Variants in PLCG2 observed in about 807,000 individuals in gnomAD.
PLCG2 encodes 1-phosphatidylinositol 4,5-bisphosphate phosphodiesterase gamma-2.
Under a neutral mutation model 175.6 loss-of-function variants are expected in PLCG2, and 69 were observed. The observed-to-expected ratio is 0.39, with a 90% CI of 0.32 to 0.48. The LOEUF is 0.48. Ranked by LOEUF, PLCG2 falls within the 20% of genes least tolerant of loss-of-function variation. The pLI, the probability that PLCG2 is intolerant of heterozygous loss-of-function variation, is 0.91. For missense variants in PLCG2, 1,798 were observed against 1,650.9 expected (o/e 1.09, Z -1.54); for synonymous variants, 827 against 624.0 (o/e 1.33, Z -4.85).
rs1280902585 is a variant in PLCG2, at chr16:81,924,355, G to T, written c.2417+761G>T. On this transcript the variant is annotated intron_variant, in intron 22 of 32. Transcript: ENST00000564138. ...TGGACCTGGCTTAGGAATCTGAATA[G>T]CAGCATGCATGGAGTGCTTCTATGT... Among the ~76,000 whole-genome samples the T allele has an allele frequency of 6.6e-5, 10 of 152,384 alleles. No individual in the cohort carries two copies. The South Asian group carries it at 1.9e-3, about 28-fold the overall frequency.
intron 2 of PLCG2, among the ~76,000 whole-genome samples, chr16:81,837,813 T>G (rs1905604055): frequency 6.6e-6 from 1 of 151,436 alleles, no homozygotes; most frequent in Admixed American, 6.6e-5. Context: ...CGTTACCCAA[T>G]TATCCCCAAT....
rs112611062 is a variant in PLCG2 at position 81,746,893 on chromosome 16, G to A, written c.-145+7508G>A. Among the ~76,000 whole-genome samples, 590 of 152,218 alleles carry A rather than the reference G, an allele frequency of 3.9e-3. 4 individuals are homozygous for A. Among genetic ancestry groups the A allele is most frequent in the African/African-American group, 0.014 (562 of 41,530 alleles). On this transcript the variant is annotated intron_variant, in intron 1 of 5. Coordinates refer to the PLCG2 transcript ENST00000565054. ...ATGAATTCTGCTCCAGGAGAGCACG[G>A]GGGACTTTGTCATATTTTGGGAGTT... is the stretch of plus-strand genomic sequence containing the variant.
intron 2 of PLCG2, among the ~76,000 whole-genome samples, chr16:81,756,582 G>A (rs75567482): frequency 0.05 from 7,689 of 152,268 alleles, 270 homozygotes; most frequent in Non-Finnish European, 0.082. Flanking sequence ...CAGGACAGGG[G>A]AGGCCAGGCA....
rs772051902 is a variant in PLCG2, at chr16:81,786,013, T to G, written c.24T>G (p.Asp8Glu). 2 of 1,614,164 alleles carry G rather than the reference T, an allele frequency of 1.2e-6. No homozygotes were observed. Among genetic ancestry groups the G allele is most frequent in the Non-Finnish European group, 1.7e-6 (2 of 1,179,996 alleles). MSTTVNV[D>E]SLAEYEKSQI... ...CAATGTCCACCACGGTCAATGTAGA[T>G]TCCCTTGCGGAATATGAGAAGAGCC... Residue 8 changes from aspartate (D) to glutamate (E), a missense_variant, in exon 2 of 33, where the codon GAT (aspartate) becomes GAG (glutamate). Physicochemically the swap from Asp to Glu is conservative, Grantham distance 45. Coordinates refer to ENST00000564138, the MANE Select transcript of PLCG2 (RefSeq NM_002661.5).
chr16:81,746,700 T>C (rs1369108176), intron 1 of PLCG2, among the ~76,000 whole-genome samples: 1 of 152,196 alleles, frequency 6.6e-6, no homozygotes, highest in Non-Finnish European at 1.5e-5. Context: ...AAACAGGCAG[T>C]TTAACCTCCC....
intron 2 of PLCG2, among the ~76,000 whole-genome samples, chr16:81,788,352 C>G (rs780138966): frequency 6.6e-6 from 1 of 152,144 alleles, no homozygotes; most frequent in Non-Finnish European, 1.5e-5. Context: ...ACAATGTCAG[C>G]TCACTGCAAG....
chr16:81,856,099 G>T (rs1208436347), intron 3 of PLCG2, among the ~76,000 whole-genome samples: 2 of 152,184 alleles, frequency 1.3e-5, no homozygotes, highest in African/African-American at 2.4e-5. Context: ...TTCAAGGTCA[G>T]CACAGTGATG....
At chr16:81,864,713 G>A (rs1907143692) in intron 5 of PLCG2, among the ~76,000 whole-genome samples, 1 of 152,198 alleles carries the variant, frequency 6.6e-6, no homozygotes, top group African/African-American at 2.4e-5. Flanking sequence ...AGAGCCGGGG[G>A]CAGTGGAGGT....
At chr16:81,801,117 C>A (rs1466301565) in intron 2 of PLCG2, among the ~76,000 whole-genome samples, 4 of 152,188 alleles carry the variant, frequency 2.6e-5, no homozygotes, top group Non-Finnish European at 5.9e-5. Flanking sequence ...GCAAGATAAT[C>A]AATTTGAGTA....
chr16:81,935,937 C>G, intron 26 of PLCG2: 1 of 984,904 alleles, frequency 1.0e-6, no homozygotes, highest in Non-Finnish European at 1.2e-6. Context: ...TACAGTAATT[C>G]TAGCCTAAAA....
intron 5 of PLCG2, among the ~76,000 whole-genome samples, chr16:81,867,564 A>G (rs575727476): frequency 6.6e-6 from 1 of 151,924 alleles, no homozygotes; most frequent in African/African-American, 2.4e-5. Flanking sequence ...AAACAGGTGA[A>G]TGTGCATATA....
chr16:81,957,261 T>G (rs1366511675), intron 32 of PLCG2, among the ~76,000 whole-genome samples: 1 of 152,074 alleles, frequency 6.6e-6, no homozygotes, highest in Non-Finnish European at 1.5e-5. Flanking sequence ...ATCACACCAT[T>G]GCACTCCAGC....
At chr16:81,744,791 C>T (rs570216318) in intron 1 of PLCG2, among the ~76,000 whole-genome samples, 2 of 151,848 alleles carry the variant, frequency 1.3e-5, no homozygotes, top group African/African-American at 2.4e-5. Flanking sequence ...ATCTTGAACT[C>T]CTGGACTCAA....
Position 81,912,728 on chromosome 16 carries a change from G to T in PLCG2, c.2054+12G>T. On this transcript the variant is annotated intron_variant, in intron 19 of 32. Transcript: ENST00000564138. The stretch of plus-strand genomic sequence containing the variant: ...GCCATCACCTTCAGGTGGGTGCGAG[G>T]GTGGGAGGCACATGCTCTACAGAGG... 6.3e-7 allele frequency: 1 copy of T among 1,587,908 alleles called. No individual in the cohort carries two copies. The highest frequency in any genetic ancestry group is 1.2e-5 in the South Asian group (1 of 86,066).
chr16:81,744,154 A>G (rs9937355), intron 1 of PLCG2, among the ~76,000 whole-genome samples: 87,690 of 146,250 alleles, frequency 0.6, 26,408 homozygotes, highest in Non-Finnish European at 0.63. Context: ...CACCGTGCCC[A>G]GCCAACTTCC....
intron 26 of PLCG2, among the ~76,000 whole-genome samples, chr16:81,934,962 C>T (rs140662156): frequency 2.2e-3 from 336 of 152,180 alleles, no homozygotes; most frequent in East Asian, 0.021. Context: ...CCTATCGGGT[C>T]CCTCCCATAA....
intron 2 of PLCG2, among the ~76,000 whole-genome samples, chr16:81,845,669 A>T (rs868401368): frequency 2.0e-5 from 3 of 152,214 alleles, no homozygotes; most frequent in Non-Finnish European, 2.9e-5. Context: ...CACTGCGTTG[A>T]GCGCAGTGGG....
At chr16:81,769,514 G>C (rs1014018196) in intron 2 of PLCG2, among the ~76,000 whole-genome samples, 1 of 151,998 alleles carries the variant, frequency 6.6e-6, no homozygotes, top group African/African-American at 2.4e-5. Context: ...AATAATTCTA[G>C]GTCTTGAAAA....
intron 5 of PLCG2, among the ~76,000 whole-genome samples, chr16:81,867,883 T>G (rs1000310527): frequency 6.6e-6 from 1 of 152,176 alleles, no homozygotes; most frequent in Non-Finnish European, 1.5e-5. Flanking sequence ...GTATTTTTAG[T>G]AGAGACGGGG....
Sources: allele counts gnomAD v4.1 joint callset (sites outside exome capture counted in the v4.1 genomes callset), GRCh38; gene constraint gnomAD v4.1.1; transcripts MANE v1.5; gene names NCBI Gene and HGNC (gene_info 2026-07-23, HGNC 2026-07-21).